Variants in RSPH9 observed in about 807,000 individuals in gnomAD.
RSPH9 encodes radial spoke head component 9, also known as radial spoke head protein 9 homolog.
Under a neutral mutation model 27.0 loss-of-function variants are expected in RSPH9, and 27 were observed. That is an observed-to-expected ratio of 1.00 (90% CI 0.74 to 1.38). The LOEUF (loss-of-function observed/expected upper bound fraction) is 1.38, where lower values mean the gene tolerates loss of function less well. RSPH9 is among the 40% of genes most tolerant of loss of function. The pLI is 0.00. For missense variants in RSPH9, 347 were observed against 357.4 expected (o/e 0.97, Z 0.24); for synonymous variants, 145 against 147.7 (o/e 0.98, Z 0.13).
At chr6:43,652,732 T>A (rs1191998205) in intron 2 of RSPH9, among the ~76,000 whole-genome samples, 1 of 109,954 alleles carries the variant, frequency 9.1e-6, no homozygotes, top group Non-Finnish European at 1.7e-5. Flanking sequence ...AACTTCCGGT[T>A]TTTTTTTTTT....
chr6:43,647,296 T>A (rs1770988564), intron 1 of RSPH9, among the ~76,000 whole-genome samples: 1 of 151,548 alleles, frequency 6.6e-6, no homozygotes, highest in Non-Finnish European at 1.5e-5. Flanking sequence ...CAAAAGGATA[T>A]GGGTCTTTGT....
At chr6:43,657,820 G>C (rs1772180864) in intron 4 of RSPH9, among the ~76,000 whole-genome samples, 1 of 152,196 alleles carries the variant, frequency 6.6e-6, no homozygotes, top group Non-Finnish European at 1.5e-5. Context: ...ACCTCAACGA[G>C]TTATGAGAAT....
At chr6:43,664,535 G>A (rs907795877) in intron 4 of RSPH9, among the ~76,000 whole-genome samples, 3 of 152,208 alleles carry the variant, frequency 2.0e-5, no homozygotes, top group African/African-American at 7.2e-5. Flanking sequence ...GTACACAGGT[G>A]GAGCGAGACA....
intron 2 of RSPH9, among the ~76,000 whole-genome samples, chr6:43,654,774 G>A (rs1251026126): frequency 1.3e-5 from 2 of 152,182 alleles, no homozygotes; most frequent in Non-Finnish European, 2.9e-5. Flanking sequence ...AGTGAGCTGA[G>A]ATCCCTGCAC....
rs192226799 is a variant in RSPH9, at chr6:43,664,536, G to A, written c.671-6253G>A. Among the ~76,000 whole-genome samples, 354 of 152,340 alleles carry A rather than the reference G, an allele frequency of 2.3e-3. 3 individuals are homozygous for A. Among genetic ancestry groups the A allele is most frequent in the African/African-American group, 7.2e-3 (301 of 41,586 alleles). On this transcript the variant is annotated intron_variant, in intron 4 of 4. Coordinates refer to ENST00000372163, the MANE Select transcript of RSPH9 (RefSeq NM_152732.5). ...ACAATAAGGCAGTGGTACACAGGTGGAGCGAGACAGGGCAAGGCAAACCAG... is the reference window on the plus strand; with the variant it reads ...ACAATAAGGCAGTGGTACACAGGTGAAGCGAGACAGGGCAAGGCAAACCAG...
chr6:43,671,006 T>G lies in RSPH9; in HGVS notation c.*57T>G. 1 of 1,606,448 alleles carries G rather than the reference T, an allele frequency of 6.2e-7. No individual in the cohort carries two copies. On this transcript the variant is annotated 3_prime_UTR_variant, in exon 5 of 5. Coordinates refer to ENST00000372163, the MANE Select transcript of RSPH9 (RefSeq NM_152732.5). ...AGTCTAAACATGATTTTCTTAAGCT[T>G]CAGTGAACTTGGCCTGCCTGTTCTG...
At chr6:43,670,705 C>T (rs1773631075) in intron 4 of RSPH9, 84 bp from the exon 5 acceptor site, 1 of 1,299,868 alleles carries the variant, frequency 7.7e-7, no homozygotes, top group South Asian at 1.2e-5. Context: ...GCCTGGCTGC[C>T]CAAGGAGCCA....
chr6:43,658,258 T>C (rs1582388632), intron 4 of RSPH9, among the ~76,000 whole-genome samples: 1 of 120,652 alleles, frequency 8.3e-6, no homozygotes, highest in Non-Finnish European at 1.6e-5. Context: ...GCCACTGCAC[T>C]CCAGCCTGGG....
intron 2 of RSPH9, among the ~76,000 whole-genome samples, chr6:43,654,733 G>T (rs1215699738): frequency 6.6e-6 from 1 of 152,202 alleles, no homozygotes; most frequent in Non-Finnish European, 1.5e-5. Context: ...TGAGGCAGGA[G>T]AATCTCTTGA....
intron 4 of RSPH9, among the ~76,000 whole-genome samples, chr6:43,666,760 G>A (rs1236817004): frequency 6.6e-6 from 1 of 152,156 alleles, no homozygotes; most frequent in East Asian, 1.9e-4. Context: ...AGATGCAGCC[G>A]TGGGTCAGGA....
intron 1 of RSPH9, among the ~76,000 whole-genome samples, chr6:43,648,646 A>G (rs1383527987): frequency 6.6e-6 from 1 of 152,172 alleles, no homozygotes; most frequent in African/African-American, 2.4e-5. Flanking sequence ...AGGTGTGAAC[A>G]GTTGGGTGGG....
chr6:43,646,262 G>A (rs945397203), intron 1 of RSPH9, among the ~76,000 whole-genome samples: 20 of 152,118 alleles, frequency 1.3e-4, no homozygotes, highest in African/African-American at 4.8e-4. Flanking sequence ...CTCCCGAGTG[G>A]CTGGGACTAC....
At chr6:43,648,210 G>A (rs1242982501) in intron 1 of RSPH9, among the ~76,000 whole-genome samples, 2 of 151,914 alleles carry the variant, frequency 1.3e-5, no homozygotes, top group African/African-American at 2.4e-5. Context: ...TGGAGTTTGC[G>A]GTGAGCTGAG....
At chr6:43,648,228 C>T (rs1006434763) in intron 1 of RSPH9, among the ~76,000 whole-genome samples, 1 of 151,276 alleles carries the variant, frequency 6.6e-6, no homozygotes. Context: ...GAGATCGCAC[C>T]ATTGCACTCC....
At chr6:43,645,603 C>T (rs1427501868) in intron 1 of RSPH9, among the ~76,000 whole-genome samples, 1 of 152,230 alleles carries the variant, frequency 6.6e-6, no homozygotes, top group East Asian at 1.9e-4. Flanking sequence ...CCCCGGAGGG[C>T]GGGGCCTTGC....
chr6:43,672,520 C>G lies in RSPH9; in HGVS notation c.*1571C>G. The G allele has an allele frequency of 2.3e-6, 1 of 439,436 alleles. No homozygotes were observed. The highest frequency in any genetic ancestry group is 1.6e-5 in the South Asian group (1 of 62,544). 27.2% of individuals were successfully genotyped at this position (439,436 alleles called of 1,614,324 possible). ...GGCCTCCTTTGGGGATGGCCAGGGC[C>G]CTGATAGTTCCCAGAAAAGTGGCTC... On this transcript the variant is annotated 3_prime_UTR_variant, in exon 5 of 5. Transcript: ENST00000372163.
chr6:43,669,068 G>C (rs1773435685), intron 4 of RSPH9, among the ~76,000 whole-genome samples: 1 of 152,196 alleles, frequency 6.6e-6, no homozygotes, highest in Non-Finnish European at 1.5e-5. Context: ...GAGAGGCAGA[G>C]GACCTCAAGC....
intron 2 of RSPH9, among the ~76,000 whole-genome samples, chr6:43,654,302 A>G (rs73428665): frequency 0.061 from 9,263 of 152,276 alleles, 956 homozygotes; most frequent in African/African-American, 0.21. Flanking sequence ...CTGTGTAAAA[A>G]GGGTATGATA....
chr6:43,667,234 A>G (rs1190644903), intron 4 of RSPH9, among the ~76,000 whole-genome samples: 1 of 152,202 alleles, frequency 6.6e-6, no homozygotes, highest in East Asian at 1.9e-4. Context: ...TGTAAACTAG[A>G]GGGTGCCTTG....
Sources: allele counts gnomAD v4.1 joint callset (sites outside exome capture counted in the v4.1 genomes callset), GRCh38; gene constraint gnomAD v4.1.1; transcripts MANE v1.5; gene names NCBI Gene and HGNC (gene_info 2026-07-23, HGNC 2026-07-21).